Variants in DNAH9 observed in about 807,000 individuals in gnomAD.
The protein encoded by DNAH9 is dynein axonemal heavy chain 9, also known as DNAH9 variant protein.
Under a neutral mutation model 471.6 loss-of-function variants are expected in DNAH9, and 345 were observed. That is an observed-to-expected ratio of 0.73 (90% CI 0.67 to 0.80). The LOEUF (loss-of-function observed/expected upper bound fraction) is 0.80. Ranked by LOEUF, DNAH9 falls within the 30% of genes least tolerant of loss-of-function variation. The pLI is 0.00. For missense variants in DNAH9, 5,407 were observed against 5,609.2 expected, an observed-to-expected ratio of 0.96 and a Z score of 1.15; for synonymous variants, 2,093 against 2,123.6, an observed-to-expected ratio of 0.99 and a Z score of 0.40.
At chr17:11,649,543 G>T (rs1231363371) in intron 12 of DNAH9, among the ~76,000 whole-genome samples, 4 of 151,942 alleles carry the variant, frequency 2.6e-5, no homozygotes, top group Non-Finnish European at 5.9e-5. Context: ...TATTTCTTTA[G>T]GATAAAAGTC....
Position 11,623,482 on chromosome 17 carries a change from A to G in DNAH9, c.1350+3701A>G, listed in dbSNP as rs1192065463. Among the ~76,000 whole-genome samples the G allele has an allele frequency of 6.6e-6, 1 of 151,504 alleles. No homozygotes were observed. The highest frequency in any genetic ancestry group is 6.6e-5 in the Admixed American group (1 of 15,214). On this transcript the variant is annotated intron_variant, in intron 6 of 68. Transcript: ENST00000262442. This position sits in a 1 kb window ranked among gnomAD's most constrained non-coding sequence, Gnocchi z 4.1. ...ATATTTCCTCCCCTCTTTTATTTTT[A>G]ATCTCCCAAATGTCTGCTTAGATGC...
intron 48 of DNAH9, among the ~76,000 whole-genome samples, chr17:11,830,164 A>G (rs1240303800): frequency 6.6e-6 from 1 of 152,100 alleles, no homozygotes. Context: ...TTCTGCGTCA[A>G]TGTCAGCTGA....
In DNAH9 at chr17:11,721,929, T is replaced by C. The variant is rs562703078; in HGVS notation, c.5709+2439T>C. ...ACCCAACCAAGGCTCAGTTTTGGGGTTGGTGACAGAGAGAGCATGTGGCAT... is the reference window on the plus strand; with the variant it reads ...ACCCAACCAAGGCTCAGTTTTGGGGCTGGTGACAGAGAGAGCATGTGGCAT... On this transcript the variant is annotated intron_variant, in intron 27 of 68. Coordinates refer to ENST00000262442, the MANE Select transcript of DNAH9 (RefSeq NM_001372.4). Among the ~76,000 whole-genome samples the C allele has an allele frequency of 3.3e-5, 5 of 152,074 alleles. No homozygotes were observed. The East Asian group carries it at 9.7e-4, about 30-fold the overall frequency.
intron 61 of DNAH9, among the ~76,000 whole-genome samples, chr17:11,914,539 G>T (rs1370769185): frequency 6.6e-6 from 1 of 152,072 alleles, no homozygotes; most frequent in Non-Finnish European, 1.5e-5. Context: ...AGACTCATGA[G>T]AAGTAAAAAT....
Position 11,690,068 on chromosome 17 carries a change from T to C in DNAH9, c.4246T>C (p.Tyr1416His). ...CCTGCTGCAGCTCCAGCTGCACCAC[T>C]ATGAGGATGAGGTCCGGGGCATTGT... ...AHLLQLQLHH[Y>H]EDEVRGIVDK... Residue 1416 changes from tyrosine to histidine, a missense_variant, in exon 20 of 69, where the codon TAT becomes CAT. Transcript: ENST00000262442. 1.9e-6 allele frequency: 3 copies of C among 1,614,148 alleles called. No homozygotes were observed. The highest frequency in any genetic ancestry group is 2.5e-6 in the Non-Finnish European group (3 of 1,180,030).
chr17:11,894,147 C>T (rs1973150669), intron 58 of DNAH9, among the ~76,000 whole-genome samples: 2 of 152,136 alleles, frequency 1.3e-5, no homozygotes, highest in Admixed American at 6.5e-5. Context: ...TATAGTCACT[C>T]GCTGTGTGCA....
chr17:11,814,768 G>A (rs1320527612), intron 45 of DNAH9, among the ~76,000 whole-genome samples: 1 of 152,014 alleles, frequency 6.6e-6, no homozygotes, highest in East Asian at 1.9e-4. Flanking sequence ...CATATCCTAG[G>A]TGCTTTAGGA....
intron 59 of DNAH9, among the ~76,000 whole-genome samples, chr17:11,900,503 C>A (rs866452234): frequency 5.2e-4 from 56 of 108,108 alleles, no homozygotes; most frequent in South Asian, 7.0e-4. Context: ...CTTCCCCTGC[C>A]AAAAAAAAAA....
chr17:11,784,444 C>G lies in DNAH9; in HGVS notation c.7966C>G (p.Leu2656Val), dbSNP rs1331904653. The G allele has an allele frequency of 3.1e-6, 5 of 1,614,104 alleles. No individual in the cohort carries two copies. In the South Asian group the frequency reaches 4.4e-5, roughly 14 times the overall value. Residue 2656 changes from leucine to valine, a missense_variant, in exon 41 of 69, where the codon CTC becomes GTC. Physicochemically the swap from Leu to Val is conservative, Grantham distance 32 (BLOSUM62 1). Around this residue, in one of 3 missense-constraint regions of DNAH9, gnomAD observed 4,636 missense variants for 4,900.3 expected, o/e 0.95. Coordinates refer to ENST00000262442, the MANE Select transcript of DNAH9 (RefSeq NM_001372.4). Reference protein sequence around the residue: ...KSIPPLIDLALAFHQKIATTF... With the variant: ...KSIPPLIDLAVAFHQKIATTF... ...CATCCCCCCACTGATCGATCTGGCC[C>G]TCGCCTTCCACCAGAAAATTGCTAC... is the stretch of plus-strand genomic sequence containing the variant.
At chr17:11,657,093 C>A (rs940300286) in intron 14 of DNAH9, among the ~76,000 whole-genome samples, 4 of 152,124 alleles carry the variant, frequency 2.6e-5, no homozygotes, top group Non-Finnish European at 5.9e-5. Context: ...CTCTTGAGAA[C>A]TGCAGGGTCA....
chr17:11,647,953 CCA>C (rs1424705921), intron 12 of DNAH9, among the ~76,000 whole-genome samples: 4 of 152,142 alleles, frequency 2.6e-5, no homozygotes, highest in African/African-American at 9.7e-5. Flanking sequence ...CTGTGTACCA[CCA>C]CAGAGTTACT....
chr17:11,642,223 C>T (rs1261454473), intron 10 of DNAH9, among the ~76,000 whole-genome samples: 1 of 152,120 alleles, frequency 6.6e-6, no homozygotes, highest in African/African-American at 2.4e-5. Context: ...AAAACTCCCC[C>T]TTGTTTTAAA....
At chr17:11,812,647 G>A (rs1167844240) in intron 45 of DNAH9, among the ~76,000 whole-genome samples, 2 of 152,032 alleles carry the variant, frequency 1.3e-5, no homozygotes, top group Non-Finnish European at 2.9e-5. Flanking sequence ...TTTCCTCACT[G>A]TGCTGGCTGC....
intron 61 of DNAH9, among the ~76,000 whole-genome samples, chr17:11,915,263 C>T (rs563296493): frequency 1.3e-5 from 2 of 152,150 alleles, no homozygotes; most frequent in South Asian, 4.2e-4. Flanking sequence ...CAGTGGCTCA[C>T]GCCTGTAATC....
chr17:11,651,574 T>A (rs565504548), intron 13 of DNAH9, among the ~76,000 whole-genome samples: 8 of 151,470 alleles, frequency 5.3e-5, no homozygotes, highest in Non-Finnish European at 7.4e-5. Flanking sequence ...AGAAGTTGCA[T>A]AAGATCTCCT....
At chr17:11,736,775 C>T (rs1486322689) in intron 28 of DNAH9, among the ~76,000 whole-genome samples, 1 of 152,210 alleles carries the variant, frequency 6.6e-6, no homozygotes, top group African/African-American at 2.4e-5. Context: ...TAAATTCTTG[C>T]TGAGCGTGAG....
intron 19 of DNAH9, among the ~76,000 whole-genome samples, chr17:11,684,999 G>T (rs527282592): frequency 7.2e-5 from 11 of 152,308 alleles, no homozygotes; most frequent in South Asian, 2.1e-4. Flanking sequence ...AGGCTTTCAT[G>T]GAGTAGATGA....
At chr17:11,808,705 G>T (rs935397246) in intron 44 of DNAH9, among the ~76,000 whole-genome samples, 1 of 152,224 alleles carries the variant, frequency 6.6e-6, no homozygotes. Flanking sequence ...CACATTTACA[G>T]AATGAGCTGA....
At chr17:11,828,585 C>T (rs1455537524) in intron 48 of DNAH9, among the ~76,000 whole-genome samples, 2 of 151,974 alleles carry the variant, frequency 1.3e-5, no homozygotes, top group Non-Finnish European at 2.9e-5. Flanking sequence ...GCTGGTAGCA[C>T]ACTAGACCAG....
Sources: allele counts gnomAD v4.1 joint callset (sites outside exome capture counted in the v4.1 genomes callset), GRCh38; gene constraint gnomAD v4.1.1; regional missense constraint gnomAD v4.1.1; non-coding constraint Gnocchi (gnomAD v3.1); transcripts MANE v1.5; gene names NCBI Gene and HGNC (gene_info 2026-07-23, HGNC 2026-07-21).